NLGN1: variants seen among roughly 807,000 people sequenced by gnomAD.
NLGN1 encodes the protein neuroligin-1.
NLGN1 carries 12 observed loss-of-function variants against 65.5 expected under a neutral mutation model. The observed-to-expected ratio is 0.18, with a 90% CI of 0.12 to 0.30. The LOEUF is 0.30. Among genes scored for constraint, NLGN1 ranks in the 10% least tolerant of loss-of-function variants. NLGN1 has a pLI of 1.00. For missense variants in NLGN1, 750 were observed against 1,007.1 expected (o/e 0.74, Z 3.46); for synonymous variants, 350 against 359.5 (o/e 0.97, Z 0.30).
chr3:173,787,815 G>A (rs1711550468), intron 3 of NLGN1, among the ~76,000 whole-genome samples: 1 of 152,164 alleles, frequency 6.6e-6, no homozygotes, highest in Admixed American at 6.5e-5. Context: ...ATGTTTTTGA[G>A]CTGACCACAG....
chr3:173,672,634 T>C (rs959687158), intron 3 of NLGN1, among the ~76,000 whole-genome samples: 6 of 152,216 alleles, frequency 3.9e-5, no homozygotes, highest in Non-Finnish European at 7.3e-5. Context: ...ACAAGAAGGC[T>C]GACACCTTCA....
chr3:174,251,070 A>G (rs1383656487), intron 4 of NLGN1, among the ~76,000 whole-genome samples: 3 of 151,700 alleles, frequency 2.0e-5, no homozygotes, highest in African/African-American at 7.3e-5. Flanking sequence ...CTTCCATCAC[A>G]GCAAGATCAA....
At chr3:174,002,147 A>C (rs985337778) in intron 4 of NLGN1, among the ~76,000 whole-genome samples, 8 of 151,462 alleles carry the variant, frequency 5.3e-5, no homozygotes, top group African/African-American at 1.2e-4. Flanking sequence ...TTTAATTTTG[A>C]GATGGAGTCT....
At position 173,837,259 on chromosome 3, in the gene NLGN1, C is replaced by T. The variant is rs192030077; in HGVS notation, c.646+29427C>T. On this transcript the variant is annotated intron_variant, in intron 4 of 6. Transcript: ENST00000457714. ...CAGCTACTTTATTTTTTAATAAAGA[C>T]AAAAGATGTTTTTAAAGTTTTTAAT... Among the ~76,000 whole-genome samples the T allele has an allele frequency of 4.1e-4, 63 of 151,980 alleles. No homozygotes were observed. In the Middle Eastern group the frequency reaches 0.024, roughly 57 times the overall value.
rs570702016 is a variant in NLGN1 at position 174,242,262 on chromosome 3, C to T, written c.647-33053C>T. 6.6e-5 allele frequency among the ~76,000 whole-genome samples: 10 copies of T among 151,964 alleles called. No individual in the cohort carries two copies. The East Asian group carries it at 1.8e-3, about 27-fold the overall frequency. On this transcript the variant is annotated intron_variant, in intron 4 of 6. Coordinates refer to ENST00000457714, the Ensembl canonical transcript of NLGN1. Reference sequence around the variant, plus strand: ...GGTCCCCATCCCCCAGGCCATGGACCGTGCCAGTCCATGGCCTGTTAAGAA... The same window carrying T: ...GGTCCCCATCCCCCAGGCCATGGACTGTGCCAGTCCATGGCCTGTTAAGAA...
chr3:174,023,771 T>G (rs1728249489), intron 4 of NLGN1, among the ~76,000 whole-genome samples: 1 of 152,052 alleles, frequency 6.6e-6, no homozygotes, highest in Non-Finnish European at 1.5e-5. Flanking sequence ...TAAGTTTGAT[T>G]GAGCAAAAAA....
intron 2 of NLGN1, among the ~76,000 whole-genome samples, chr3:173,596,432 A>C (rs978477457): frequency 2.0e-5 from 3 of 152,174 alleles, no homozygotes; most frequent in African/African-American, 4.8e-5. Context: ...CTTGAAGCTT[A>C]CTGAATCCAT....
intron 4 of NLGN1, chr3:173,920,414 C>T (rs1463893998): frequency 6.6e-6 from 1 of 152,106 alleles, no homozygotes; most frequent in Non-Finnish European, 1.5e-5. Context: ...TATCTTGTAT[C>T]ACATCATATA....
intron 4 of NLGN1, among the ~76,000 whole-genome samples, chr3:174,074,912 T>A (rs753632980): frequency 1.3e-5 from 2 of 152,216 alleles, no homozygotes; most frequent in African/African-American, 2.4e-5. Context: ...GGTTCTACCG[T>A]GCACAATGTG....
At chr3:173,527,823 G>T (rs1735907869) in intron 2 of NLGN1, among the ~76,000 whole-genome samples, 2 of 152,114 alleles carry the variant, frequency 1.3e-5, no homozygotes, top group African/African-American at 4.8e-5. Flanking sequence ...GTGTCTTTAG[G>T]CATTAGGTGA....
intron 4 of NLGN1, among the ~76,000 whole-genome samples, chr3:174,206,086 A>G (rs1735346266): frequency 6.6e-6 from 1 of 152,262 alleles, no homozygotes. Flanking sequence ...ATTAAAGTCC[A>G]GATGAATCTG....
intron 2 of NLGN1, among the ~76,000 whole-genome samples, chr3:173,491,496 C>T (rs1423923912): frequency 6.6e-6 from 1 of 151,750 alleles, no homozygotes; most frequent in Non-Finnish European, 1.5e-5. Context: ...ATTCGGTTTG[C>T]CAGTATGTTA....
intron 4 of NLGN1, among the ~76,000 whole-genome samples, chr3:174,145,544 T>A (rs1723063484): frequency 6.6e-6 from 1 of 151,734 alleles, no homozygotes; most frequent in Non-Finnish European, 1.5e-5. Flanking sequence ...ACAGATAAAA[T>A]AGACAAAATA....
intron 3 of NLGN1, among the ~76,000 whole-genome samples, chr3:173,705,389 A>T (rs116609025): frequency 0.015 from 2,348 of 152,256 alleles, 60 homozygotes; most frequent in African/African-American, 0.052. Context: ...TATTTTGCTA[A>T]ATTCCTCCTC....
At chr3:173,607,812 T>A (rs1306932797) in intron 3 of NLGN1, among the ~76,000 whole-genome samples, 3 of 151,630 alleles carry the variant, frequency 2.0e-5, no homozygotes, top group Non-Finnish European at 4.4e-5. Context: ...CAGGACTTTA[T>A]GAATGATGGT....
intron 4 of NLGN1, among the ~76,000 whole-genome samples, chr3:173,996,085 C>T (rs1158120396): frequency 1.3e-5 from 2 of 152,052 alleles, no homozygotes; most frequent in African/African-American, 4.8e-5. Context: ...TCAGTCTAAG[C>T]ATTAATGTAT....
At chr3:173,755,243 G>A (rs936917509) in intron 3 of NLGN1, among the ~76,000 whole-genome samples, 1 of 152,010 alleles carries the variant, frequency 6.6e-6, no homozygotes, top group African/African-American at 2.4e-5. Flanking sequence ...ATATTCTGAT[G>A]TTATATTGGT....
At chr3:173,583,453 A>G (rs1746716065) in intron 2 of NLGN1, among the ~76,000 whole-genome samples, 1 of 152,250 alleles carries the variant, frequency 6.6e-6, no homozygotes, top group African/African-American at 2.4e-5. Flanking sequence ...TAGCAACACC[A>G]GTGGTAGAAG....
intron 4 of NLGN1, among the ~76,000 whole-genome samples, chr3:173,820,801 T>C (rs944568173): frequency 6.6e-6 from 1 of 151,712 alleles, no homozygotes; most frequent in Non-Finnish European, 1.5e-5. Context: ...GTACATACGA[T>C]ATTGCAGAAG....
Sources: allele counts gnomAD v4.1 joint callset (sites outside exome capture counted in the v4.1 genomes callset), GRCh38; gene constraint gnomAD v4.1.1; transcripts MANE v1.5; gene names NCBI Gene and HGNC (gene_info 2026-07-23, HGNC 2026-07-21).